PEMT: variants seen among roughly 807,000 people sequenced by gnomAD.
PEMT encodes phosphatidylethanolamine N-methyltransferase, also known as phospholipid methyltransferase.
In PEMT, 23 loss-of-function variants were observed where a neutral mutation model predicts 27.4. The ratio of observed to expected loss-of-function variants is 0.84; its 90% CI spans 0.60 to 1.19. The LOEUF is 1.19. PEMT is among the 50% of genes most tolerant of loss of function. PEMT has a pLI of 0.00. For synonymous variants in PEMT, 137 were observed against 139.1 expected (o/e 0.98, Z 0.11); for missense variants, 307 against 310.1 (o/e 0.99, Z 0.07).
At chr17:17,574,487 AT>A (rs1414957259) in intron 2 of PEMT, among the ~76,000 whole-genome samples, 4 of 151,894 alleles carry the variant, frequency 2.6e-5, no homozygotes, top group Non-Finnish European at 5.9e-5. Flanking sequence ...ATCCGGCTAA[AT>A]TTTTGTATTT....
At chr17:17,541,491 G>T (rs925433244) in intron 2 of PEMT, among the ~76,000 whole-genome samples, 1 of 152,206 alleles carries the variant, frequency 6.6e-6, no homozygotes, top group Non-Finnish European at 1.5e-5. Flanking sequence ...CAGCAGCAGC[G>T]GGGCATGGGC....
chr17:17,558,698 A>C (rs1014544183), intron 2 of PEMT, among the ~76,000 whole-genome samples: 1 of 124,686 alleles, frequency 8.0e-6, no homozygotes, highest in Non-Finnish European at 1.9e-5. Flanking sequence ...AAAAAAAAAA[A>C]ACAAAAAGAA....
chr17:17,587,175 C>T (rs6502607), intron 1 of PEMT, among the ~76,000 whole-genome samples: 123,038 of 151,854 alleles, frequency 0.81, 50,233 homozygotes, highest in Non-Finnish European at 0.85. Flanking sequence ...CCCAATAAAA[C>T]TGAGAAACCT....
intron 1 of PEMT, among the ~76,000 whole-genome samples, chr17:17,585,138 G>A (rs1487153571): frequency 6.6e-6 from 1 of 152,194 alleles, no homozygotes; most frequent in Non-Finnish European, 1.5e-5. Context: ...AGGAGTTCAA[G>A]ACTAGCCTAG....
chr17:17,560,391 T>C (rs1367881169), intron 2 of PEMT, among the ~76,000 whole-genome samples: 1 of 152,194 alleles, frequency 6.6e-6, no homozygotes, highest in African/African-American at 2.4e-5. Context: ...TTGGCACACA[T>C]GGTCTCATTT....
At chr17:17,545,798 C>T (rs779278331) in intron 2 of PEMT, among the ~76,000 whole-genome samples, 7 of 152,136 alleles carry the variant, frequency 4.6e-5, no homozygotes, top group Non-Finnish European at 8.8e-5. Context: ...GCGTTCGTGA[C>T]GTCAGCTACC....
intron 2 of PEMT, among the ~76,000 whole-genome samples, chr17:17,559,975 G>A (rs1489401029): frequency 5.3e-5 from 8 of 152,172 alleles, no homozygotes; most frequent in Non-Finnish European, 8.8e-5. Context: ...GAGGCCTACC[G>A]GCTACTCTAC....
rs375594454 is a variant in PEMT, at chr17:17,512,470, C to G, written c.466+39G>C. ...GCCCTGCACCTCCCTGGGGCTCCAG[C>G]GGTCCTGCTCAGGGTCACCCCAGCC... On this transcript the variant is annotated intron_variant, in intron 4 of 6. Coordinates refer to ENST00000255389, the MANE Select transcript of PEMT (RefSeq NM_148172.3). The surrounding 1 kb of genome is among the most constrained non-coding windows in gnomAD (Gnocchi z 6.3). 3 of 1,477,554 alleles carry G rather than the reference C, an allele frequency of 2.0e-6. No homozygotes were observed. Among genetic ancestry groups the G allele is most frequent in the Non-Finnish European group, 9.1e-7 (1 of 1,103,494 alleles). 91.5% of individuals were successfully genotyped at this position (1,477,554 alleles called of 1,614,324 possible). A position where few individuals can be genotyped will look rare whatever the true frequency, so the allele number is the denominator to read the frequency against.
At chr17:17,529,278 T>G (rs1824953795) in intron 2 of PEMT, among the ~76,000 whole-genome samples, 1 of 152,220 alleles carries the variant, frequency 6.6e-6, no homozygotes, top group South Asian at 2.1e-4. Flanking sequence ...TGCACAGCCC[T>G]GGCTCCTTTC....
chr17:17,532,091 T>TA (rs1908140984), intron 2 of PEMT, among the ~76,000 whole-genome samples: 1 of 152,186 alleles, frequency 6.6e-6, no homozygotes, highest in African/African-American at 2.4e-5. Context: ...ACATCATACT[T>TA]AATGGTGAAA....
intron 1 of PEMT, among the ~76,000 whole-genome samples, chr17:17,580,886 G>T (rs1432223307): frequency 6.6e-6 from 1 of 152,184 alleles, no homozygotes; most frequent in East Asian, 1.9e-4. Context: ...GTGGCCTCCT[G>T]CCTTTGGACT....
chr17:17,527,131 G>A (rs915892761), intron 2 of PEMT, among the ~76,000 whole-genome samples: 10 of 152,160 alleles, frequency 6.6e-5, no homozygotes, highest in African/African-American at 2.4e-4. Flanking sequence ...TCCGCCTCCC[G>A]GGTTCAGGTG....
chr17:17,517,104 C>T (rs564820036), intron 3 of PEMT, among the ~76,000 whole-genome samples: 4 of 152,328 alleles, frequency 2.6e-5, no homozygotes, highest in East Asian at 1.9e-4. Flanking sequence ...CAAGGACCCG[C>T]GTCCTGCCAG....
rs562415948 is a variant in PEMT at position 17,561,894 on chromosome 17, C to G, written c.204+15026G>C. 2.0e-4 allele frequency among the ~76,000 whole-genome samples: 30 copies of G among 152,332 alleles called. No homozygotes were observed. The South Asian group carries it at 3.3e-3, about 17-fold the overall frequency. On this transcript the variant is annotated intron_variant, in intron 2 of 6. Transcript: ENST00000255389. The surrounding 1 kb of genome is among the most constrained non-coding windows in gnomAD (Gnocchi z 4.5). The stretch of plus-strand genomic sequence containing the variant: ...AGTCCAGTCATAATATTGACACAGG[C>G]AGGGCACACAGCAGCCGGGAAGCTG...
intron 2 of PEMT, among the ~76,000 whole-genome samples, chr17:17,563,662 G>A (rs1037884068): frequency 6.6e-6 from 1 of 152,346 alleles, no homozygotes; most frequent in African/African-American, 2.4e-5. Flanking sequence ...CAGGCAAAGC[G>A]ACAGGTGTAC....
intron 2 of PEMT, among the ~76,000 whole-genome samples, chr17:17,540,178 T>C (rs1411290366): frequency 6.6e-6 from 1 of 152,128 alleles, no homozygotes; most frequent in African/African-American, 2.4e-5. Flanking sequence ...GGGTGGGGCC[T>C]GGAGGGCTCA....
In PEMT at chr17:17,513,757, G is replaced by A. The variant is rs1237005196; in HGVS notation, c.321-1103C>T. On this transcript the variant is annotated intron_variant, in intron 3 of 6. Coordinates refer to ENST00000255389, the MANE Select transcript of PEMT (RefSeq NM_148172.3). The surrounding 1 kb of genome is among the most constrained non-coding windows in gnomAD (Gnocchi z 4.1). ...TGTACCCAGGCCTCATCACAGGGGA[G>A]CGGGCGCTGGTGGGAAGGGGGCCCT... Among the ~76,000 whole-genome samples, 2 of 152,052 alleles carry A rather than the reference G, an allele frequency of 1.3e-5. No individual in the cohort carries two copies. The highest frequency in any genetic ancestry group is 2.9e-5 in the Non-Finnish European group (2 of 67,990).
intron 1 of PEMT, 23 bp downstream of exon 1, chr17:17,591,508 C>T (rs753548041): frequency 1.3e-6 from 2 of 1,580,268 alleles, no homozygotes; most frequent in African/African-American, 1.3e-5. Flanking sequence ...CCAGTTTCCG[C>T]GGCGGTCCGG....
chr17:17,589,312 G>A (rs1912482711), intron 1 of PEMT, among the ~76,000 whole-genome samples: 2 of 141,158 alleles, frequency 1.4e-5, no homozygotes, highest in African/African-American at 2.7e-5. Context: ...GCAAGATTCT[G>A]TACCTGCTGA....
Sources: gnomAD v4.1 joint callset for allele counts (sites outside exome capture counted in the v4.1 genomes callset) on GRCh38, gnomAD v4.1.1 for gene constraint, Gnocchi (gnomAD v3.1) non-coding constraint, MANE v1.5 for transcripts, NCBI Gene and HGNC (gene_info 2026-07-23, HGNC 2026-07-21) for gene names.